Variants in NCAM2 observed in about 807,000 individuals in gnomAD.
NCAM2 encodes N-CAM-2.
A neutral mutation model predicts 98.1 loss-of-function variants in NCAM2; 30 were observed. The observed-to-expected ratio is 0.31, with a 90% confidence interval of 0.23 to 0.41. The LOEUF (loss-of-function observed/expected upper bound fraction) is 0.41, where lower values mean the gene tolerates loss of function less well. NCAM2 is among the 10% of genes least tolerant of loss of function. The pLI is 1.00. For synonymous variants in NCAM2, 368 were observed against 342.4 expected (o/e 1.07, Z -0.83); for missense variants, 867 against 1,005.8 (o/e 0.86, Z 1.87).
At chr21:21,206,056 C>G (rs1468692494) in intron 1 of NCAM2, among the ~76,000 whole-genome samples, 10 of 152,074 alleles carry the variant, frequency 6.6e-5, no homozygotes, top group African/African-American at 2.2e-4. Flanking sequence ...GTACTCTTAG[C>G]AACTTATTCA....
At chr21:21,425,639 T>C (rs1352537939) in intron 11 of NCAM2, among the ~76,000 whole-genome samples, 2 of 142,088 alleles carry the variant, frequency 1.4e-5, no homozygotes, top group African/African-American at 5.1e-5. Context: ...CATGGATGTA[T>C]AAGAACAAAA....
At chr21:21,376,714 A>T (rs568824346) in intron 9 of NCAM2, among the ~76,000 whole-genome samples, 1 of 151,824 alleles carries the variant, frequency 6.6e-6, no homozygotes, top group Admixed American at 6.6e-5. Context: ...AACAAAGTAC[A>T]AGTTGCTTTT....
At chr21:21,286,718 A>T (rs1335472612) in intron 4 of NCAM2, among the ~76,000 whole-genome samples, 2 of 151,798 alleles carry the variant, frequency 1.3e-5, no homozygotes, top group African/African-American at 2.4e-5. Flanking sequence ...TCATTAGCCT[A>T]AAAAAATGTA....
chr21:21,180,694 T>G (rs1057066902), intron 1 of NCAM2, among the ~76,000 whole-genome samples: 2 of 152,132 alleles, frequency 1.3e-5, no homozygotes, highest in African/African-American at 4.8e-5. Flanking sequence ...ACTAATTAGT[T>G]TTTGCCTTGT....
At chr21:21,205,242 G>GT (rs2069392936) in intron 1 of NCAM2, among the ~76,000 whole-genome samples, 2 of 152,048 alleles carry the variant, frequency 1.3e-5, no homozygotes, top group African/African-American at 4.8e-5. Context: ...TGCACCTGCA[G>GT]GCTTTTCATC....
intron 5 of NCAM2, among the ~76,000 whole-genome samples, chr21:21,322,805 T>G (rs1330400723): frequency 6.6e-6 from 1 of 152,160 alleles, no homozygotes; most frequent in Non-Finnish European, 1.5e-5. Context: ...CTGCATGCCA[T>G]TATTCATAAA....
intron 15 of NCAM2, among the ~76,000 whole-genome samples, chr21:21,488,805 C>G (rs999562598): frequency 4.6e-5 from 7 of 151,576 alleles, no homozygotes; most frequent in Admixed American, 3.3e-4. Context: ...TTTTGTCTGG[C>G]CTTGTAGTAT....
intron 1 of NCAM2, among the ~76,000 whole-genome samples, chr21:21,193,575 A>C (rs530603494): frequency 2.1e-5 from 3 of 145,202 alleles, no homozygotes; most frequent in Admixed American, 7.3e-5. Flanking sequence ...GGCTCACTGC[A>C]ACCTCTGCTT....
intron 10 of NCAM2, among the ~76,000 whole-genome samples, chr21:21,415,051 A>G (rs2076962012): frequency 6.6e-6 from 1 of 151,752 alleles, no homozygotes; most frequent in African/African-American, 2.4e-5. Flanking sequence ...TAGTTTTCCC[A>G]TGGATAGAAC....
At chr21:21,406,808 A>G (rs575854067) in intron 9 of NCAM2, among the ~76,000 whole-genome samples, 9 of 152,202 alleles carry the variant, frequency 5.9e-5, no homozygotes, top group Non-Finnish European at 1.3e-4. Flanking sequence ...CCATAACTTC[A>G]TATTTCATGT....
At chr21:21,485,683 A>T (rs909537576) in intron 15 of NCAM2, among the ~76,000 whole-genome samples, 1 of 152,184 alleles carries the variant, frequency 6.6e-6, no homozygotes, top group Non-Finnish European at 1.5e-5. Context: ...GACTTTTACT[A>T]CTTATTTATT....
intron 8 of NCAM2, among the ~76,000 whole-genome samples, chr21:21,342,054 A>C (rs1428748954): frequency 1.3e-5 from 2 of 152,170 alleles, no homozygotes; most frequent in African/African-American, 4.8e-5. Flanking sequence ...TGGGAGAAAA[A>C]GTAAGGGACT....
chr21:21,491,793 T>A (rs1274165651), intron 15 of NCAM2, among the ~76,000 whole-genome samples: 1 of 151,582 alleles, frequency 6.6e-6, no homozygotes, highest in African/African-American at 2.4e-5. Context: ...TTTTGAAACA[T>A]GCTTGTGTAT....
intron 1 of NCAM2, among the ~76,000 whole-genome samples, chr21:21,279,525 A>T: frequency 6.6e-6 from 1 of 151,716 alleles, no homozygotes; most frequent in East Asian, 1.9e-4. Flanking sequence ...CACCCAGCTA[A>T]TTTTTGCATT....
intron 2 of NCAM2, 104 bp from the exon 3 acceptor site, chr21:21,284,090 T>G (rs112601423): frequency 0.028 from 2 of 72 alleles, no homozygotes; most frequent in Non-Finnish European, 0.12. Flanking sequence ...TGTTACATAA[T>G]TTTTTTTCTA....
chr21:21,239,432 C>T (rs143820584), intron 1 of NCAM2: 24 of 152,186 alleles, frequency 1.6e-4, no homozygotes, highest in African/African-American at 5.5e-4. Flanking sequence ...TTGTAACCAG[C>T]AATGTTCATA....
At chr21:21,423,020 ATAT>A (rs1438516194) in intron 11 of NCAM2, among the ~76,000 whole-genome samples, 3 of 152,124 alleles carry the variant, frequency 2.0e-5, no homozygotes, top group African/African-American at 4.8e-5. Context: ...TACATTTTAA[ATAT>A]TATTATCAAG....
At chr21:21,433,796 A>AAAATAAAATAAAATAAAAT (rs1602329298) in intron 12 of NCAM2, among the ~76,000 whole-genome samples, 1 of 145,102 alleles carries the variant, frequency 6.9e-6, no homozygotes, top group African/African-American at 2.6e-5. Context: ...AAAATAAAAT[A>AAAATAAAATAAAATAAAAT]AAAATAAAAG....
chr21:21,526,440 A>G (rs1438191627), intron 16 of NCAM2, among the ~76,000 whole-genome samples: 1 of 152,142 alleles, frequency 6.6e-6, no homozygotes, highest in South Asian at 2.1e-4. Context: ...CAAGATCTAT[A>G]TGAAGAAAAC....
Sources: allele counts gnomAD v4.1 joint callset (sites outside exome capture counted in the v4.1 genomes callset), GRCh38; gene constraint gnomAD v4.1.1; transcripts MANE v1.5; gene names NCBI Gene and HGNC (gene_info 2026-07-23, HGNC 2026-07-21).